DPF2: variants seen among roughly 807,000 people sequenced by gnomAD.
DPF2 encodes the protein double PHD fingers 2.
DPF2 carries 10 observed loss-of-function variants against 59.6 expected under a neutral mutation model. The observed-to-expected ratio is 0.17, with a 90% CI of 0.10 to 0.28. The LOEUF (loss-of-function observed/expected upper bound fraction) is 0.28, where lower values mean the gene tolerates loss of function less well. Ranked by LOEUF, DPF2 falls within the 10% of genes least tolerant of loss-of-function variation. The pLI, the probability that DPF2 is intolerant of heterozygous loss-of-function variation, is 1.00. For synonymous variants in DPF2, 189 were observed against 190.6 expected (o/e 0.99, Z 0.07); for missense variants, 315 against 509.4 (o/e 0.62, Z 3.67).
At position 65,348,942 on chromosome 11, in the gene DPF2, C is replaced by A. The variant is rs1172153911; in HGVS notation, c.1099+11C>A. The stretch of plus-strand genomic sequence containing the variant: ...CTGAGCCCCCTGAAGGTAAGTTGCC[C>A]AGATCTTTTACTCAGAACAATTACT... On this transcript the variant is annotated intron_variant, in intron 10 of 10. Transcript: ENST00000528416. The A allele has an allele frequency of 6.2e-7, 1 of 1,613,866 alleles. No individual in the cohort carries two copies. The highest frequency in any genetic ancestry group is 8.5e-7 in the Non-Finnish European group (1 of 1,179,886).
Position 65,340,556 on chromosome 11 carries a change from A to G in DPF2, c.193+11A>G. 1 of 1,613,804 alleles carries G rather than the reference A, an allele frequency of 6.2e-7. No individual in the cohort carries two copies. Among genetic ancestry groups the G allele is most frequent in the Non-Finnish European group, 8.5e-7 (1 of 1,179,796 alleles). ...GACACCGGGGTCCAGGTGAGGGTCC[A>G]GACTTGGGAGAAGGGGACTCAGGAG... On this transcript the variant is annotated intron_variant, in intron 2 of 10. Coordinates refer to ENST00000528416, the MANE Select transcript of DPF2 (RefSeq NM_006268.5).
At chr11:65,350,352 CTCTTTT>C (rs1339488805) in intron 10 of DPF2, among the ~76,000 whole-genome samples, 28 of 150,122 alleles carry the variant, frequency 1.9e-4, no homozygotes, top group Non-Finnish European at 2.4e-4. Context: ...CTTTTCTTTT[CTCTTTT>C]TCTTTTTCTT....
intron 6 of DPF2, chr11:65,344,902 C>T (rs578140435): frequency 4.8e-5 from 21 of 437,866 alleles, no homozygotes; most frequent in South Asian, 2.2e-4. Flanking sequence ...CAGACCCTTC[C>T]GCTCCCTCCC....
intron 6 of DPF2, 78 bp from the exon 7 acceptor site, chr11:65,345,588 G>T: frequency 6.3e-7 from 1 of 1,578,624 alleles, no homozygotes; most frequent in East Asian, 2.2e-5. Flanking sequence ...CTCAGGTGGA[G>T]CCCCCACAGC....
intron 10 of DPF2, among the ~76,000 whole-genome samples, chr11:65,351,240 A>G (rs1358328419): frequency 6.6e-6 from 1 of 152,230 alleles, no homozygotes; most frequent in Non-Finnish European, 1.5e-5. Flanking sequence ...TTCAAAAAAA[A>G]TTAGAAGAAT....
chr11:65,341,033 C>T lies in DPF2; in HGVS notation c.261C>T (p.Pro87=), dbSNP rs764046003. The T allele has an allele frequency of 1.2e-6, 2 of 1,614,164 alleles. No individual in the cohort carries two copies. The highest frequency in any genetic ancestry group is 1.7e-6 in the Non-Finnish European group (2 of 1,180,042). ...GGCGGAAAAAGCGGCGAGCCCATCCCCCTGAGGATCCACGACTTTCCTTCC... is the reference window on the plus strand; with the variant it reads ...GGCGGAAAAAGCGGCGAGCCCATCCTCCTGAGGATCCACGACTTTCCTTCC... ...RRWRKKRRAH[P]PEDPRLSFPS... is the part of the protein sequence containing the mutation. The change falls in exon 3 of 11, where the codon CCC becomes CCT. Residue 87 remains proline (P), a synonymous_variant. Coordinates refer to ENST00000528416, the MANE Select transcript of DPF2 (RefSeq NM_006268.5).
intron 1 of DPF2, among the ~76,000 whole-genome samples, chr11:65,337,452 C>CAAAAAAAA (rs750931920): frequency 1.5e-4 from 2 of 13,536 alleles, no homozygotes; most frequent in African/African-American, 5.8e-4. Flanking sequence ...GACTCTATCT[C>CAAAAAAAA]AAAAAAAAAA....
rs1196397460 is a variant in DPF2, at chr11:65,337,474, AATATATATATATAT to A, written c.33-2893_33-2880del. On this transcript the variant is annotated intron_variant, in intron 1 of 10. Transcript: ENST00000528416. ...TCTCAAAAAAAAAAAAAAAAAAAAA[AATATATATATATAT>A]ATATATATATATATATAGAGAGAGA... 1.2e-3 allele frequency among the ~76,000 whole-genome samples: 56 copies of A among 46,482 alleles called. 1 individual carries two copies. Among genetic ancestry groups the A allele is most frequent in the Non-Finnish European group, 1.5e-3 (43 of 27,756 alleles). The allele number at this position is 46,482 out of a possible 152,430, so 30.5% of individuals were successfully genotyped here.
At position 65,351,785 on chromosome 11, in the gene DPF2, A is replaced by G. The variant is rs908355221; in HGVS notation, c.*26A>G. ...TGTGGCCACCCACCTGCTCCCCGAC[A>G]TATCTAAGGCTGTTTCTCTCCTCCA... is the stretch of plus-strand genomic sequence containing the variant. On this transcript the variant is annotated 3_prime_UTR_variant, in exon 11 of 11. Coordinates refer to ENST00000528416, the MANE Select transcript of DPF2 (RefSeq NM_006268.5). The G allele has an allele frequency of 3.4e-5, 54 of 1,607,356 alleles. No individual in the cohort carries two copies. Among genetic ancestry groups the G allele is most frequent in the Non-Finnish European group, 4.4e-5 (52 of 1,175,542 alleles).
At chr11:65,346,192 C>T (rs1590936850) in intron 8 of DPF2, 55 bp from the exon 9 acceptor site, 1 of 1,602,028 alleles carries the variant, frequency 6.2e-7, no homozygotes, top group East Asian at 2.2e-5. Context: ...GGCAGGAGCT[C>T]CTCTCTTCCC....
At chr11:65,341,884 A>C in intron 4 of DPF2, 1 of 185,982 alleles carries the variant, frequency 5.4e-6, no homozygotes, top group South Asian at 1.3e-4. Context: ...CCAAGGCAGG[A>C]GGATTGCTCA....
intron 9 of DPF2, chr11:65,347,205 G>A (rs538677628): frequency 1.3e-5 from 2 of 151,982 alleles, no homozygotes; most frequent in African/African-American, 4.8e-5. Context: ...GTAGAGATGG[G>A]GTTTCTCCAT....
chr11:65,339,322 G>C (rs1462677678), intron 1 of DPF2, among the ~76,000 whole-genome samples: 1 of 151,848 alleles, frequency 6.6e-6, no homozygotes, highest in Non-Finnish European at 1.5e-5. Context: ...GTTAAACCCT[G>C]CAAGATGAGA....
At chr11:65,340,815 C>T (rs1311966016) in intron 2 of DPF2, 151 bp from the exon 3 acceptor site, 3 of 857,086 alleles carry the variant, frequency 3.5e-6, no homozygotes, top group Non-Finnish European at 3.5e-6. Context: ...TTCTTTTCCA[C>T]AGACTATTCC....
In DPF2 at chr11:65,333,864, C is replaced by A; in HGVS notation, c.-23C>A. 6.2e-7 allele frequency: 1 copy of A among 1,613,762 alleles called. No individual in the cohort carries two copies. Among genetic ancestry groups the A allele is most frequent in the Non-Finnish European group, 8.5e-7 (1 of 1,179,902 alleles). On this transcript the variant is annotated 5_prime_UTR_variant, in exon 1 of 11. Coordinates refer to ENST00000528416, the MANE Select transcript of DPF2 (RefSeq NM_006268.5). ...CGCTGCGGACTGTGGGGCTTCTCGG[C>A]CCGAGGCAGAGGAACAGGGAAGATG...
At chr11:65,347,814 C>T (rs887524803) in intron 9 of DPF2, 5 of 152,120 alleles carry the variant, frequency 3.3e-5, no homozygotes, top group African/African-American at 1.2e-4. Context: ...CGCCACCACG[C>T]CTGGCTAATT....
chr11:65,343,547 C>T (rs1264382157), intron 4 of DPF2, 198 bp from the exon 5 acceptor site: 6 of 585,396 alleles, frequency 1.0e-5, no homozygotes, highest in African/African-American at 9.3e-5. Flanking sequence ...ACGTGAAGCA[C>T]AGGGGAAAGA....
intron 1 of DPF2, among the ~76,000 whole-genome samples, chr11:65,335,146 C>T (rs1025804215): frequency 2.7e-5 from 4 of 149,702 alleles, no homozygotes; most frequent in African/African-American, 9.8e-5. Flanking sequence ...CTCCTCCCAA[C>T]GCTATTGTCT....
intron 6 of DPF2, chr11:65,344,923 A>T (rs1344447616): frequency 2.6e-6 from 1 of 383,428 alleles, no homozygotes; most frequent in Non-Finnish European, 4.7e-6. Context: ...CAGACCAGGC[A>T]GCTGGTGGTC....
Sources: allele counts gnomAD v4.1 joint callset (sites outside exome capture counted in the v4.1 genomes callset), GRCh38; gene constraint gnomAD v4.1.1; transcripts MANE v1.5; gene names NCBI Gene and HGNC (gene_info 2026-07-23, HGNC 2026-07-21).